The following CYB5B variants were observed in gnomAD, a reference collection of about 807,000 sequenced individuals.
CYB5B encodes the protein cytochrome b5 type B, also known as cytochrome b5 type B (outer mitochondrial membrane).
Under a neutral mutation model 21.3 loss-of-function variants are expected in CYB5B, and 14 were observed. The ratio of observed to expected loss-of-function variants is 0.66; its 90% CI spans 0.43 to 1.03. The LOEUF is 1.03. CYB5B is among the 50% of genes least tolerant of loss of function. The pLI is 0.00. For missense variants in CYB5B, 166 were observed against 185.1 expected, an observed-to-expected ratio of 0.90 and a Z score of 0.60; for synonymous variants, 69 against 68.4, an observed-to-expected ratio of 1.01 and a Z score of -0.04.
chr16:69,456,273 G>C (rs2014983309), intron 3 of CYB5B, among the ~76,000 whole-genome samples: 1 of 151,984 alleles, frequency 6.6e-6, no homozygotes, highest in Non-Finnish European at 1.5e-5. Context: ...CCCAGTGTTG[G>C]GATTCACCAG....
rs1434692142 is a variant in CYB5B at position 69,439,973 on chromosome 16, A to G, written c.175-7177A>G. ...AGCCTTGAACTCCTGGGCTCAAGCA[A>G]TCTTTCTGCCTCAGCCTCCCAAGTA... On this transcript the variant is annotated intron_variant, in intron 1 of 4. Coordinates refer to ENST00000307892, the MANE Select transcript of CYB5B (RefSeq NM_030579.3). 3.3e-5 allele frequency among the ~76,000 whole-genome samples: 5 copies of G among 152,256 alleles called. No individual in the cohort carries two copies. The South Asian group carries it at 6.2e-4, about 19-fold the overall frequency.
At chr16:69,449,405 C>T (rs1274754810) in intron 3 of CYB5B, 3 of 152,044 alleles carry the variant, frequency 2.0e-5, no homozygotes, top group Non-Finnish European at 2.9e-5. Flanking sequence ...TGAACATGTC[C>T]AGAAAATACC....
intron 1 of CYB5B, among the ~76,000 whole-genome samples, chr16:69,438,238 C>G (rs28878014): frequency 0.17 from 26,376 of 152,164 alleles, 2,404 homozygotes; most frequent in Middle Eastern, 0.25. Context: ...ATCAGAATTT[C>G]ATTCATTTTT....
chr16:69,456,497 C>T (rs1597286913), intron 3 of CYB5B, among the ~76,000 whole-genome samples: 3 of 152,118 alleles, frequency 2.0e-5, no homozygotes, highest in South Asian at 4.1e-4. Flanking sequence ...CTAAGCTTTT[C>T]GAAGAAAAAG....
At chr16:69,457,660 G>A (rs112688974) in intron 3 of CYB5B, among the ~76,000 whole-genome samples, 4 of 151,794 alleles carry the variant, frequency 2.6e-5, no homozygotes, top group African/African-American at 9.7e-5. Flanking sequence ...TTAATTAATC[G>A]GATCCTTACT....
intron 3 of CYB5B, among the ~76,000 whole-genome samples, chr16:69,451,813 T>G (rs1223093137): frequency 6.6e-6 from 1 of 151,842 alleles, no homozygotes; most frequent in Non-Finnish European, 1.5e-5. Flanking sequence ...TAGCCGGCCG[T>G]GGCGGCGGGC....
chr16:69,428,768 G>T (rs922941641), intron 1 of CYB5B, among the ~76,000 whole-genome samples: 1 of 152,164 alleles, frequency 6.6e-6, no homozygotes, highest in African/African-American at 2.4e-5. Flanking sequence ...TTATGAAGAT[G>T]ACTAAGTAAA....
At chr16:69,447,094 C>T in intron 1 of CYB5B, 56 bp from the exon 2 acceptor site, 1 of 1,583,464 alleles carries the variant, frequency 6.3e-7, no homozygotes, top group Non-Finnish European at 8.6e-7. Context: ...GGGAAAGTAA[C>T]TTGTTGGTTT....
chr16:69,457,119 A>G (rs988543828), intron 3 of CYB5B, among the ~76,000 whole-genome samples: 1 of 152,246 alleles, frequency 6.6e-6, no homozygotes, highest in African/African-American at 2.4e-5. Context: ...AAAGAACACC[A>G]TATGTTTTAA....
chr16:69,446,489 G>T (rs1026555873), intron 1 of CYB5B, among the ~76,000 whole-genome samples: 4 of 152,142 alleles, frequency 2.6e-5, no homozygotes, highest in South Asian at 2.1e-4. Flanking sequence ...ACCATGCCTG[G>T]CACTTTTTGT....
chr16:69,440,655 A>G (rs2014810555), intron 1 of CYB5B, among the ~76,000 whole-genome samples: 1 of 151,798 alleles, frequency 6.6e-6, no homozygotes, highest in Non-Finnish European at 1.5e-5. Flanking sequence ...GTATGATTAT[A>G]TCTCATTTTG....
At chr16:69,440,564 T>C (rs1280263401) in intron 1 of CYB5B, among the ~76,000 whole-genome samples, 1 of 152,230 alleles carries the variant, frequency 6.6e-6, no homozygotes, top group Admixed American at 6.5e-5. Flanking sequence ...GTCTGGTTTC[T>C]TCAGTTCAAC....
In CYB5B at chr16:69,448,011, T is replaced by G. The variant is rs931693342; in HGVS notation, c.304-104T>G. 8 of 1,198,242 alleles carry G rather than the reference T, an allele frequency of 6.7e-6. No individual in the cohort carries two copies. The African/African-American group carries it at 7.7e-5, about 12-fold the overall frequency. The allele number at this position is 1,198,242 out of a possible 1,614,324, so 74.2% of individuals were successfully genotyped here. A position where few individuals can be genotyped will look rare whatever the true frequency, so the allele number is the denominator to read the frequency against. On this transcript the variant is annotated intron_variant, in intron 2 of 4. Transcript: ENST00000307892. ...TCCTCAAATCTCCCAGGGAATTCAC[T>G]ATCACCAGAATATAGTCTCATGTTC...
intron 3 of CYB5B, among the ~76,000 whole-genome samples, chr16:69,451,736 G>A (rs1233739041): frequency 6.6e-6 from 1 of 151,570 alleles, no homozygotes; most frequent in African/African-American, 2.4e-5. Context: ...CGGATCACGA[G>A]GTCAGGAGAT....
chr16:69,453,274 C>A (rs2014953562), intron 3 of CYB5B, among the ~76,000 whole-genome samples: 1 of 151,976 alleles, frequency 6.6e-6, no homozygotes, highest in African/African-American at 2.4e-5. Context: ...TTTTATTATA[C>A]ATACAGTTTT....
chr16:69,436,004 A>T (rs1363147802), intron 1 of CYB5B, among the ~76,000 whole-genome samples: 1 of 152,214 alleles, frequency 6.6e-6, no homozygotes, highest in Non-Finnish European at 1.5e-5. Flanking sequence ...AGTTCTAGGG[A>T]AGGTGAGAAA....
chr16:69,465,615 A>G lies in CYB5B; in HGVS notation c.*3095A>G, dbSNP rs1193700709. The G allele has an allele frequency of 6.6e-6, 1 of 152,208 alleles. No individual in the cohort carries two copies. The highest frequency in any genetic ancestry group is 2.4e-5 in the African/African-American group (1 of 41,468). 9.4% of individuals were successfully genotyped at this position (152,208 alleles called of 1,614,324 possible). A position where few individuals can be genotyped will look rare whatever the true frequency, so the allele number is the denominator to read the frequency against. On this transcript the variant is annotated 3_prime_UTR_variant, in exon 5 of 5. Transcript: ENST00000307892. The stretch of plus-strand genomic sequence containing the variant: ...TCGAGTTTATACTCATTTAGCTGCA[A>G]TGTGGGACAATGAAAAATGCTTTAC...
At chr16:69,444,495 T>C (rs912443141) in intron 1 of CYB5B, among the ~76,000 whole-genome samples, 1 of 152,140 alleles carries the variant, frequency 6.6e-6, no homozygotes, top group East Asian at 1.9e-4. Context: ...CTGCATCCAT[T>C]TGATTTTCGC....
Position 69,424,751 on chromosome 16 carries a change from C to T in CYB5B, c.68C>T (p.Ser23Leu), listed in dbSNP as rs894268276. 3.1e-6 allele frequency: 5 copies of T among 1,602,614 alleles called. No homozygotes were observed. Among genetic ancestry groups the T allele is most frequent in the Non-Finnish European group, 4.3e-6 (5 of 1,174,722 alleles). ...GGGAAAGGGCAGGAAGTCGAGACCT[C>T]AGTCACCTATTACCGGTTGGAGGAG... Reference protein sequence around the residue: ...SDGKGQEVETSVTYYRLEEVA... With the variant: ...SDGKGQEVETLVTYYRLEEVA... The change falls in exon 1 of 5, where the codon TCA (serine) becomes TTA (leucine). Residue 23 changes from serine to leucine, a missense_variant. Transcript: ENST00000307892.
Sources: gnomAD v4.1 joint callset for allele counts (sites outside exome capture counted in the v4.1 genomes callset) on GRCh38, gnomAD v4.1.1 for gene constraint, MANE v1.5 for transcripts, NCBI Gene and HGNC (gene_info 2026-07-23, HGNC 2026-07-21) for gene names.